STYX: variants seen among roughly 807,000 people sequenced by gnomAD.
STYX encodes the protein serine/threonine/tyrosine-interacting protein.
A neutral mutation model predicts 42.7 loss-of-function variants in STYX; 20 were observed. That is an observed-to-expected ratio of 0.47 (90% CI 0.33 to 0.68). The LOEUF (loss-of-function observed/expected upper bound fraction) is 0.68, where lower values mean the gene tolerates loss of function less well. STYX is among the 30% of genes least tolerant of loss of function. The probability of loss-of-function intolerance (pLI) is 0.02; values close to 1 mark genes in which losing one functional copy is unlikely to be tolerated. For missense variants in STYX, 226 were observed against 268.5 expected (o/e 0.84, Z 1.11); for synonymous variants, 78 against 81.9 (o/e 0.95, Z 0.26).
chr14:52,758,884 T>C (rs990793692), intron 8 of STYX, among the ~76,000 whole-genome samples: 1 of 152,150 alleles, frequency 6.6e-6, no homozygotes, highest in African/African-American at 2.4e-5. Context: ...AGAATACAAA[T>C]ATTTAATTGA....
intron 9 of STYX, among the ~76,000 whole-genome samples, chr14:52,767,087 A>G (rs889699753): frequency 3.3e-5 from 5 of 152,192 alleles, no homozygotes; most frequent in African/African-American, 1.2e-4. Context: ...AGGTGGGACG[A>G]GAATTGTATT....
chr14:52,741,213 T>TATAC (rs1446132626), intron 1 of STYX, among the ~76,000 whole-genome samples: 2 of 117,336 alleles, frequency 1.7e-5, no homozygotes, highest in Non-Finnish European at 3.5e-5. Context: ...TATGTTTTTA[T>TATAC]ATATATATAT....
chr14:52,735,799 T>C (rs1880923482), intron 1 of STYX, among the ~76,000 whole-genome samples: 1 of 152,234 alleles, frequency 6.6e-6, no homozygotes, highest in Admixed American at 6.5e-5. Context: ...TTGATGATTC[T>C]GTCACCTCTA....
rs1466194815 is a variant in STYX, at chr14:52,730,257, G to A, written c.-218G>A. 2.6e-5 allele frequency: 15 copies of A among 582,128 alleles called. No individual in the cohort carries two copies. In the South Asian group the frequency reaches 2.8e-4, roughly 11 times the overall value. 36.1% of individuals were successfully genotyped at this position (582,128 alleles called of 1,614,324 possible). A position where few individuals can be genotyped will look rare whatever the true frequency, so the allele number is the denominator to read the frequency against. On this transcript the variant is annotated 5_prime_UTR_variant, in exon 1 of 11. It adds an upstream start codon to the 5' untranslated region. Transcript: ENST00000354586. The stretch of plus-strand genomic sequence containing the variant: ...GAGACGGCAGCGGCATGGCGGCCGG[G>A]TGTAAGACGCCCGACCCTCCTCTTC...
chr14:52,759,848 A>C, intron 9 of STYX, 94 bp downstream of exon 9: 1 of 763,452 alleles, frequency 1.3e-6, no homozygotes. Flanking sequence ...TGAATACTTA[A>C]AATTGCCATA....
At chr14:52,757,174 T>G (rs1881906172) in intron 5 of STYX, 145 bp from the exon 6 acceptor site, 1 of 592,804 alleles carries the variant, frequency 1.7e-6, no homozygotes, top group East Asian at 3.2e-5. Context: ...CTTGTAATAG[T>G]TCTATTTATA....
intron 3 of STYX, among the ~76,000 whole-genome samples, chr14:52,750,437 C>G (rs1881566041): frequency 6.6e-6 from 1 of 152,144 alleles, no homozygotes; most frequent in Admixed American, 6.6e-5. Context: ...TTCCATCAAG[C>G]TCTAAAATTG....
chr14:52,764,943 A>G (rs1882243610), intron 9 of STYX, among the ~76,000 whole-genome samples: 1 of 152,188 alleles, frequency 6.6e-6, no homozygotes, highest in African/African-American at 2.4e-5. Context: ...TGCTGGGATT[A>G]CGGGCGTGAG....
chr14:52,771,282 A>G lies in STYX; in HGVS notation c.*176A>G, dbSNP rs1008897559. 6.6e-5 allele frequency: 36 copies of G among 548,002 alleles called. No individual in the cohort carries two copies. The highest frequency in any genetic ancestry group is 1.3e-4 in the African/African-American group (7 of 52,668). The allele number at this position is 548,002 out of a possible 1,614,324, so 33.9% of individuals were successfully genotyped here. On this transcript the variant is annotated 3_prime_UTR_variant, in exon 11 of 11. Transcript: ENST00000354586. The stretch of plus-strand genomic sequence containing the variant: ...CATTTTAAGATGTTGGACTTCTGCA[A>G]TAGATGACACTGATGGTTTTACTCC...
intron 6 of STYX, 141 bp from the exon 7 acceptor site, chr14:52,757,602 A>G (rs1474801726): frequency 1.2e-6 from 1 of 826,856 alleles, no homozygotes; most frequent in South Asian, 1.7e-5. Flanking sequence ...TTCTCTACAC[A>G]GTTGATAATA....
At chr14:52,738,757 A>G (rs1446223297) in intron 1 of STYX, among the ~76,000 whole-genome samples, 2 of 152,154 alleles carry the variant, frequency 1.3e-5, no homozygotes, top group African/African-American at 2.4e-5. Flanking sequence ...AAAGAAGCTC[A>G]GTTTGCTCCT....
At chr14:52,740,513 A>T (rs1881144967) in intron 1 of STYX, among the ~76,000 whole-genome samples, 1 of 152,244 alleles carries the variant, frequency 6.6e-6, no homozygotes, top group Non-Finnish European at 1.5e-5. Context: ...CTGGATCCAA[A>T]ATCAAGTTAC....
intron 3 of STYX, among the ~76,000 whole-genome samples, chr14:52,747,501 G>A (rs929639216): frequency 2.0e-5 from 3 of 152,136 alleles, no homozygotes; most frequent in African/African-American, 7.2e-5. Context: ...TGGAAAGATA[G>A]GGAGTTAGTA....
At chr14:52,746,320 G>A in intron 2 of STYX, 106 bp from the exon 3 acceptor site, 1 of 719,708 alleles carries the variant, frequency 1.4e-6, no homozygotes, top group Non-Finnish European at 2.2e-6. Context: ...CAATCTTGTT[G>A]TATCTTGTGC....
intron 4 of STYX, among the ~76,000 whole-genome samples, chr14:52,751,928 C>T (rs543872667): frequency 1.3e-5 from 2 of 152,096 alleles, no homozygotes; most frequent in African/African-American, 4.8e-5. Flanking sequence ...TTTGGGAGGC[C>T]GAGGTGGGCA....
intron 9 of STYX, among the ~76,000 whole-genome samples, chr14:52,765,030 A>C (rs1156256680): frequency 6.6e-6 from 1 of 152,002 alleles, no homozygotes; most frequent in African/African-American, 2.4e-5. Flanking sequence ...GTCTTTATTA[A>C]ACTCTTGGAC....
intron 2 of STYX, among the ~76,000 whole-genome samples, chr14:52,745,343 CTGACCTCAGGTGATCCAG>C (rs1958765244): frequency 1.3e-5 from 2 of 152,160 alleles, no homozygotes; most frequent in South Asian, 2.1e-4. Flanking sequence ...TCTCACACTC[CTGACCTCAGGTGATCCAG>C]TGACCTCAGG....
chr14:52,766,836 C>T (rs1228283750), intron 9 of STYX, among the ~76,000 whole-genome samples: 2 of 149,846 alleles, frequency 1.3e-5, no homozygotes, highest in Admixed American at 6.6e-5. Context: ...TTATTTGCAG[C>T]TTTGTTCTTT....
At chr14:52,746,039 C>T (rs996177775) in intron 2 of STYX, among the ~76,000 whole-genome samples, 2 of 152,108 alleles carry the variant, frequency 1.3e-5, no homozygotes, top group African/African-American at 4.8e-5. Context: ...AATTCAACAT[C>T]TGGAAGGTAC....
Sources: gnomAD v4.1 joint callset for allele counts (sites outside exome capture counted in the v4.1 genomes callset) on GRCh38, gnomAD v4.1.1 for gene constraint, MANE v1.5 for transcripts, NCBI Gene and HGNC (gene_info 2026-07-23, HGNC 2026-07-21) for gene names.